Variants in SESTD1 observed in about 807,000 individuals in gnomAD.
SESTD1 encodes SEC14 and spectrin domain containing 1.
In SESTD1, 43 loss-of-function variants were observed where a neutral mutation model predicts 101.7. The ratio of observed to expected loss-of-function variants is 0.42; its 90% confidence interval spans 0.33 to 0.55. The LOEUF (loss-of-function observed/expected upper bound fraction) is 0.55, where lower values mean the gene tolerates loss of function less well. Ranked by LOEUF, SESTD1 falls within the 20% of genes least tolerant of loss-of-function variation. The pLI is 0.07. For missense variants in SESTD1, 647 were observed against 815.1 expected, an observed-to-expected ratio of 0.79 and a Z score of 2.51; for synonymous variants, 283 against 286.8, an observed-to-expected ratio of 0.99 and a Z score of 0.13.
At chr2:179,231,983 ATAACT>A (rs1463171382) in intron 1 of SESTD1, among the ~76,000 whole-genome samples, 1 of 152,076 alleles carries the variant, frequency 6.6e-6, no homozygotes, top group Non-Finnish European at 1.5e-5. Context: ...ACATAGGAAC[ATAACT>A]TTAATAATAC....
In SESTD1 at chr2:179,103,639, G is replaced by A. The variant is rs984852822; in HGVS notation, c.*6260C>T. 1 of 152,078 alleles carries A rather than the reference G, an allele frequency of 6.6e-6. No homozygotes were observed. The highest frequency in any genetic ancestry group is 1.5e-5 in the Non-Finnish European group (1 of 68,008). 9.4% of individuals were successfully genotyped at this position (152,078 alleles called of 1,614,324 possible). A position where few individuals can be genotyped will look rare whatever the true frequency, so the allele number is the denominator to read the frequency against. ...AACAGCAATAAAAAAATGAAGCCTTGTAGAAAAGCGTACATGTTGCGTGAC... is the reference window on the plus strand; with the variant it reads ...AACAGCAATAAAAAAATGAAGCCTTATAGAAAAGCGTACATGTTGCGTGAC... On this transcript the variant is annotated 3_prime_UTR_variant, in exon 18 of 18. Coordinates refer to ENST00000428443, the MANE Select transcript of SESTD1 (RefSeq NM_178123.5).
chr2:179,237,999 T>G (rs1311440992), intron 1 of SESTD1, among the ~76,000 whole-genome samples: 1 of 152,178 alleles, frequency 6.6e-6, no homozygotes, highest in East Asian at 1.9e-4. Flanking sequence ...AAGAGCCTAC[T>G]GCTGACCAGA....
In SESTD1 at chr2:179,143,804, C is replaced by T. The variant is rs748774627; in HGVS notation, c.638-1G>A. ...TGTAATTCGGACAACAATTCATGCC[C>T]TTTACAAATAAAAGATACTTGAAAT... On this transcript the variant is annotated splice_acceptor_variant, in intron 8 of 17. Coordinates refer to ENST00000428443, the MANE Select transcript of SESTD1 (RefSeq NM_178123.5). LOFTEE classifies it high-confidence loss of function. The T allele has an allele frequency of 6.2e-7, 1 of 1,610,688 alleles. No homozygotes were observed. The highest frequency in any genetic ancestry group is 8.5e-7 in the Non-Finnish European group (1 of 1,179,184).
chr2:179,185,676 G>C (rs1182994457), intron 2 of SESTD1, among the ~76,000 whole-genome samples: 45 of 56,734 alleles, frequency 7.9e-4, no homozygotes, highest in African/African-American at 1.3e-3. Flanking sequence ...ATATAATATA[G>C]CATATTATAT....
intron 17 of SESTD1, among the ~76,000 whole-genome samples, chr2:179,111,464 T>G (rs1196495297): frequency 6.6e-6 from 1 of 152,104 alleles, no homozygotes; most frequent in East Asian, 1.9e-4. Context: ...ACATGGCAGT[T>G]TTTAGATGAG....
At chr2:179,113,662 TTATAC>T (rs1369568780) in intron 16 of SESTD1, among the ~76,000 whole-genome samples, 2 of 152,222 alleles carry the variant, frequency 1.3e-5, no homozygotes, top group Non-Finnish European at 2.9e-5. Flanking sequence ...TTTCTAATCA[TTATAC>T]TATACAATTT....
intron 5 of SESTD1, among the ~76,000 whole-genome samples, chr2:179,155,193 G>A (rs2045605245): frequency 6.6e-6 from 1 of 152,036 alleles, no homozygotes; most frequent in African/African-American, 2.4e-5. Context: ...TAGGATTACA[G>A]GTGTGAGCCA....
chr2:179,243,578 T>A (rs2047185455), intron 1 of SESTD1, among the ~76,000 whole-genome samples: 1 of 152,028 alleles, frequency 6.6e-6, no homozygotes, highest in South Asian at 2.1e-4. Flanking sequence ...TATGTAGCCA[T>A]AAAAAAGAAG....
chr2:179,189,223 C>T (rs929701009), intron 2 of SESTD1, among the ~76,000 whole-genome samples: 5 of 152,110 alleles, frequency 3.3e-5, no homozygotes, highest in Non-Finnish European at 7.4e-5. Context: ...AAAGTTAATC[C>T]TCCACATTCA....
intron 5 of SESTD1, among the ~76,000 whole-genome samples, chr2:179,158,303 A>C (rs2045667798): frequency 6.6e-6 from 1 of 152,130 alleles, no homozygotes; most frequent in Non-Finnish European, 1.5e-5. Context: ...TATATTACCT[A>C]TCTTGTCCAA....
At chr2:179,234,230 C>T (rs1417422699) in intron 1 of SESTD1, among the ~76,000 whole-genome samples, 1 of 152,142 alleles carries the variant, frequency 6.6e-6, no homozygotes, top group Non-Finnish European at 1.5e-5. Context: ...ACTAGAACAT[C>T]GGCTCTCTCT....
rs192511221 is a variant in SESTD1 at position 179,202,638 on chromosome 2, G to A, written c.-25-10772C>T. Among the ~76,000 whole-genome samples the A allele has an allele frequency of 3.7e-5, 5 of 135,164 alleles. 2 individuals are homozygous for A. The highest frequency in any genetic ancestry group is 3.6e-4 in the Admixed American group (5 of 13,920). The allele number at this position is 135,164 out of a possible 152,430, so 88.7% of individuals were successfully genotyped here. On this transcript the variant is annotated intron_variant, in intron 1 of 17. Coordinates refer to ENST00000428443, the MANE Select transcript of SESTD1 (RefSeq NM_178123.5). Reference sequence around the variant, plus strand: ...AATGGGTTTCCAATAAGGAAAAACAGTCACAAAGCAAGAGGTTTGTCTCCC... The same window carrying A: ...AATGGGTTTCCAATAAGGAAAAACAATCACAAAGCAAGAGGTTTGTCTCCC...
rs2044413319 is a variant in SESTD1, at chr2:179,107,649, T to C, written c.*2250A>G. The C allele has an allele frequency of 6.6e-6, 1 of 152,170 alleles. No homozygotes were observed. The highest frequency in any genetic ancestry group is 6.5e-5 in the Admixed American group (1 of 15,286). 9.4% of individuals were successfully genotyped at this position (152,170 alleles called of 1,614,324 possible). ...AGTCAGTTCTAACTTTAAAAAAGTATGTTTAAAACATACTTCAGACTGCAA... is the reference window on the plus strand; with the variant it reads ...AGTCAGTTCTAACTTTAAAAAAGTACGTTTAAAACATACTTCAGACTGCAA... On this transcript the variant is annotated 3_prime_UTR_variant, in exon 18 of 18. Transcript: ENST00000428443.
At chr2:179,198,551 G>A (rs930199305) in intron 1 of SESTD1, among the ~76,000 whole-genome samples, 4 of 152,034 alleles carry the variant, frequency 2.6e-5, no homozygotes, top group African/African-American at 7.2e-5. Flanking sequence ...CCACATACTT[G>A]GAAGTACAGC....
intron 1 of SESTD1, among the ~76,000 whole-genome samples, chr2:179,263,248 A>C (rs1206316097): frequency 6.6e-6 from 1 of 152,218 alleles, no homozygotes; most frequent in Non-Finnish European, 1.5e-5. Flanking sequence ...GACGTATTTT[A>C]CTGCTCAAAG....
intron 5 of SESTD1, among the ~76,000 whole-genome samples, chr2:179,161,798 A>T (rs547955180): frequency 3.3e-5 from 5 of 152,304 alleles, no homozygotes; most frequent in Non-Finnish European, 7.4e-5. Context: ...ATTTCTTTTT[A>T]AGCAACTATA....
chr2:179,129,868 T>C (rs528040144), intron 10 of SESTD1, among the ~76,000 whole-genome samples: 1 of 152,288 alleles, frequency 6.6e-6, no homozygotes, highest in East Asian at 1.9e-4. Flanking sequence ...ACTGGCTTTT[T>C]AAAAATATGT....
intron 1 of SESTD1, among the ~76,000 whole-genome samples, chr2:179,226,616 T>C (rs957346612): frequency 6.6e-6 from 1 of 152,202 alleles, no homozygotes; most frequent in Non-Finnish European, 1.5e-5. Context: ...AGGTTAATAA[T>C]CAATAAATGT....
chr2:179,251,671 T>C (rs1173705304), intron 1 of SESTD1, among the ~76,000 whole-genome samples: 2 of 152,208 alleles, frequency 1.3e-5, no homozygotes, highest in Admixed American at 6.5e-5. Context: ...TGTGAAGGTA[T>C]TAGGAGATGA....
Sources: gnomAD v4.1 joint callset for allele counts (sites outside exome capture counted in the v4.1 genomes callset) on GRCh38, gnomAD v4.1.1 for gene constraint, MANE v1.5 for transcripts, NCBI Gene and HGNC (gene_info 2026-07-23, HGNC 2026-07-21) for gene names.